Variants in CNNM4 observed in about 807,000 individuals in gnomAD.
CNNM4 encodes the protein cyclin and CBS domain divalent metal cation transport mediator 4, also known as metal transporter CNNM4.
CNNM4 carries 32 observed loss-of-function variants against 53.7 expected under a neutral mutation model. The observed-to-expected ratio is 0.60, with a 90% CI of 0.45 to 0.80. The LOEUF is 0.80. Among genes scored for constraint, CNNM4 ranks in the 30% least tolerant of loss-of-function variants. The pLI, the probability that CNNM4 is intolerant of heterozygous loss-of-function variation, is 0.00. For missense variants in CNNM4, 784 were observed against 1,022.0 expected, an observed-to-expected ratio of 0.77 and a Z score of 3.17; for synonymous variants, 410 against 440.0, an observed-to-expected ratio of 0.93 and a Z score of 0.85.
rs1173910838 is a variant in CNNM4 at position 96,801,685 on chromosome 2, G to A, written c.1948+2037G>A. Among the ~76,000 whole-genome samples, 1 of 111,680 alleles carries A rather than the reference G, an allele frequency of 9.0e-6. No homozygotes were observed. Among genetic ancestry groups the A allele is most frequent in the Non-Finnish European group, 1.8e-5 (1 of 54,500 alleles). The allele number at this position is 111,680 out of a possible 152,430, so 73.3% of individuals were successfully genotyped here. A position where few individuals can be genotyped will look rare whatever the true frequency, so the allele number is the denominator to read the frequency against. On this transcript the variant is annotated intron_variant, in intron 5 of 6. Transcript: ENST00000377075. This position sits in a 1 kb window ranked among gnomAD's most constrained non-coding sequence, Gnocchi z 5.6. ...ACACACACACACACAGAGACCACAC[G>A]CAGAGAGACCACACACACGCAGAGA...
In CNNM4 at chr2:96,808,074, A is replaced by C. The variant is rs578137907; in HGVS notation, c.1949-487A>C. Among the ~76,000 whole-genome samples the C allele has an allele frequency of 2.6e-3, 391 of 152,176 alleles. 2 individuals are homozygous for C. The highest frequency in any genetic ancestry group is 0.025 in the South Asian group (120 of 4,816). ...TGGCTAATTTCTGTATTTTTAGTAG[A>C]GATGGGGTTTCACCATGTTGGCCAG... is the stretch of plus-strand genomic sequence containing the variant. On this transcript the variant is annotated intron_variant, in intron 5 of 6. Coordinates refer to ENST00000377075, the MANE Select transcript of CNNM4 (RefSeq NM_020184.4). The surrounding 1 kb of genome is among the most constrained non-coding windows in gnomAD (Gnocchi z 4.9).
intron 1 of CNNM4, among the ~76,000 whole-genome samples, chr2:96,764,697 G>T (rs938272349): frequency 6.6e-6 from 1 of 152,158 alleles, no homozygotes; most frequent in South Asian, 2.1e-4. Flanking sequence ...TGCAATTTAA[G>T]AGTTTCTTGG....
chr2:96,803,965 C>A (rs1364633462), intron 5 of CNNM4, among the ~76,000 whole-genome samples: 1 of 152,126 alleles, frequency 6.6e-6, no homozygotes, highest in Non-Finnish European at 1.5e-5. Flanking sequence ...GTGGTGCAAT[C>A]ATAGCTCACT....
chr2:96,780,490 C>G (rs1378610689), intron 1 of CNNM4, among the ~76,000 whole-genome samples: 1 of 148,056 alleles, frequency 6.8e-6, no homozygotes, highest in Non-Finnish European at 1.5e-5. Context: ...AAACTCCTGA[C>G]TTCAAGTGAT....
At chr2:96,770,033 T>C (rs1341473601) in intron 1 of CNNM4, among the ~76,000 whole-genome samples, 2 of 152,204 alleles carry the variant, frequency 1.3e-5, no homozygotes, top group African/African-American at 4.8e-5. Flanking sequence ...TGGAGGGGCC[T>C]GGTGCGTGCC....
chr2:96,767,923 T>G (rs1230553362), intron 1 of CNNM4, among the ~76,000 whole-genome samples: 1 of 152,076 alleles, frequency 6.6e-6, no homozygotes, highest in African/African-American at 2.4e-5. Context: ...AATGCAAAAA[T>G]TAGCTGGGTA....
At chr2:96,783,452 T>A (rs971507795) in intron 1 of CNNM4, among the ~76,000 whole-genome samples, 2 of 152,212 alleles carry the variant, frequency 1.3e-5, no homozygotes, top group South Asian at 4.1e-4. Context: ...GACCAGCGTC[T>A]GGGTGGGACA....
At chr2:96,772,492 A>G (rs545535506) in intron 1 of CNNM4, among the ~76,000 whole-genome samples, 2 of 129,042 alleles carry the variant, frequency 1.5e-5, no homozygotes, top group East Asian at 2.5e-4. Context: ...CCATGCACGC[A>G]CACACACACT....
chr2:96,761,226 T>G lies in CNNM4; in HGVS notation c.227T>G (p.Leu76Arg), dbSNP rs776615999. The G allele has an allele frequency of 1.4e-5, 22 of 1,613,944 alleles. No homozygotes were observed. The highest frequency in any genetic ancestry group is 1.8e-5 in the Non-Finnish European group (21 of 1,179,986). The change falls in exon 1 of 7, where the codon CTG becomes CGG. Residue 76 changes from leucine to arginine, a missense_variant. Leu to Arg is a moderately radical substitution (Grantham distance 102, BLOSUM62 -2). Coordinates refer to ENST00000377075, the MANE Select transcript of CNNM4 (RefSeq NM_020184.4). This position sits in a 1 kb window ranked among gnomAD's most constrained non-coding sequence, Gnocchi z 6.0. ...GTGTCCGAGGGCAGCACCGTGAACC[T>G]GAGGCTGTACGGCTACAGCCTGGGC... ...IFVSEGSTVNLRLYGYSLGNI... is the reference protein window; with the variant it reads ...IFVSEGSTVNRRLYGYSLGNI...
rs2078762124 is a variant in CNNM4 at position 96,761,490 on chromosome 2, C to G, written c.491C>G (p.Thr164Arg). 6.2e-7 allele frequency: 1 copy of G among 1,613,982 alleles called. No homozygotes were observed. The highest frequency in any genetic ancestry group is 8.5e-7 in the Non-Finnish European group (1 of 1,180,000). ...CCCGACGGGCCCTGGCTGAAGTGGACGGACAAGGACTCACTGCTCTTCATG... is the reference window on the plus strand; with the variant it reads ...CCCGACGGGCCCTGGCTGAAGTGGAGGGACAAGGACTCACTGCTCTTCATG... ...AQPDGPWLKW[T>R]DKDSLLFMVE... is the part of the protein sequence containing the mutation. The change falls in exon 1 of 7, where the codon ACG becomes AGG. Residue 164 changes from threonine to arginine, a missense_variant. Thr to Arg is a moderately conservative substitution (Grantham distance 71). Around this residue, in one of 3 missense-constraint regions of CNNM4, gnomAD observed 473 missense variants for 624.6 expected, o/e 0.76. Transcript: ENST00000377075. This position sits in a 1 kb window ranked among gnomAD's most constrained non-coding sequence, Gnocchi z 6.0.
chr2:96,793,291 T>A (rs900808971), intron 1 of CNNM4, among the ~76,000 whole-genome samples: 2 of 152,136 alleles, frequency 1.3e-5, no homozygotes, highest in African/African-American at 2.4e-5. Context: ...GGGAAAATTC[T>A]ACCAGGACAA....
In CNNM4 at chr2:96,800,937, C is replaced by A. The variant is rs542701163; in HGVS notation, c.1948+1289C>A. On this transcript the variant is annotated intron_variant, in intron 5 of 6. Transcript: ENST00000377075. The surrounding 1 kb of genome is among the most constrained non-coding windows in gnomAD (Gnocchi z 4.6). ...GCCCTGAGCACCCTTCCCAGCAGAG[C>A]CATGTCCCTTTCTCCACTGGGCCCA... 7.3e-5 allele frequency: 14 copies of A among 192,150 alleles called. No homozygotes were observed. In the South Asian group the frequency reaches 2.5e-3, roughly 34 times the overall value. 11.9% of individuals were successfully genotyped at this position (192,150 alleles called of 1,614,324 possible).
At chr2:96,799,035 T>A (rs754510614) in intron 3 of CNNM4, 22 bp from the exon 4 acceptor site, 2 of 1,613,192 alleles carry the variant, frequency 1.2e-6, no homozygotes, top group East Asian at 4.5e-5. Flanking sequence ...CCGTGTGAGG[T>A]CTCTTCTCTC....
At chr2:96,803,854 GA>G (rs1393129220) in intron 5 of CNNM4, among the ~76,000 whole-genome samples, 1 of 152,110 alleles carries the variant, frequency 6.6e-6, no homozygotes, top group African/African-American at 2.4e-5. Context: ...TCATCTCTCA[GA>G]GACAAAATGG....
chr2:96,806,244 C>G (rs1354874613), intron 5 of CNNM4, among the ~76,000 whole-genome samples: 1 of 152,060 alleles, frequency 6.6e-6, no homozygotes, highest in Non-Finnish European at 1.5e-5. Flanking sequence ...TACTAGCTTT[C>G]CAGCTAAAAT....
chr2:96,806,226 C>G (rs2079204664), intron 5 of CNNM4, among the ~76,000 whole-genome samples: 1 of 152,152 alleles, frequency 6.6e-6, no homozygotes, highest in African/African-American at 2.4e-5. Context: ...GTTTTAGGAA[C>G]ATGAAATTAC....
Position 96,799,642 on chromosome 2 carries a change from C to A in CNNM4, c.1942C>A (p.Pro648Thr), listed in dbSNP as rs144495984. 1.2e-5 allele frequency: 19 copies of A among 1,551,518 alleles called. No individual in the cohort carries two copies. In the South Asian group the frequency reaches 2.1e-4, roughly 17 times the overall value. Residue 648 changes from proline to threonine, a missense_variant, in exon 5 of 7, where the codon CCC becomes ACC. Pro to Thr is a conservative substitution (Grantham distance 38). This residue lies in a region of CNNM4 where 307 missense variants were observed against 376.3 expected (regional missense o/e 0.82). Transcript: ENST00000377075. ...YYGTMALTSV[P>T]SDRSPAHPTP... ...TGGGACTATGGCCCTGACCTCGGTC[C>A]CCTCCGGTGAGTTGTTGGGCATGGT...
At chr2:96,806,331 T>C (rs891055690) in intron 5 of CNNM4, among the ~76,000 whole-genome samples, 2 of 152,058 alleles carry the variant, frequency 1.3e-5, no homozygotes, top group Admixed American at 6.5e-5. Flanking sequence ...AGACTTGAAC[T>C]CAGACTTCTC....
At chr2:96,772,609 G>GTGCACA (rs2078887089) in intron 1 of CNNM4, among the ~76,000 whole-genome samples, 1 of 116,458 alleles carries the variant, frequency 8.6e-6, no homozygotes, top group African/African-American at 3.4e-5. Context: ...TCACACATGC[G>GTGCACA]CACACACACT....
Sources: gnomAD v4.1 joint callset for allele counts (sites outside exome capture counted in the v4.1 genomes callset) on GRCh38, gnomAD v4.1.1 for gene constraint, gnomAD v4.1.1 regional missense constraint, Gnocchi (gnomAD v3.1) non-coding constraint, MANE v1.5 for transcripts, NCBI Gene and HGNC (gene_info 2026-07-23, HGNC 2026-07-21) for gene names.